SEMA3E: variants seen among roughly 807,000 people sequenced by gnomAD.
SEMA3E encodes the protein semaphorin 3E.
Under a neutral mutation model 93.6 loss-of-function variants are expected in SEMA3E, and 49 were observed. The ratio of observed to expected loss-of-function variants is 0.52; its 90% confidence interval spans 0.42 to 0.66. SEMA3E has a LOEUF of 0.66. Among genes scored for constraint, SEMA3E ranks in the 30% least tolerant of loss-of-function variants. The pLI is 0.00. For synonymous variants in SEMA3E, 363 were observed against 330.7 expected (o/e 1.10, Z -1.06); for missense variants, 906 against 964.8 (o/e 0.94, Z 0.81).
chr7:83,482,216 C>T (rs1052860013), intron 2 of SEMA3E, among the ~76,000 whole-genome samples: 1 of 152,036 alleles, frequency 6.6e-6, no homozygotes, highest in Non-Finnish European at 1.5e-5. Context: ...ACAAAATTAA[C>T]CTAAACGAAA....
chr7:83,510,353 A>G (rs1414312783), intron 1 of SEMA3E, among the ~76,000 whole-genome samples: 3 of 152,310 alleles, frequency 2.0e-5, no homozygotes, highest in Admixed American at 6.5e-5. Flanking sequence ...TTTGGTCTAT[A>G]TCTTTTCACA....
intron 1 of SEMA3E, among the ~76,000 whole-genome samples, chr7:83,547,884 C>G (rs1416956548): frequency 6.6e-6 from 1 of 152,074 alleles, no homozygotes; most frequent in South Asian, 2.1e-4. Context: ...CACTCTGAGG[C>G]TAGAGTAATC....
At chr7:83,463,977 A>G (rs1281025598) in intron 4 of SEMA3E, among the ~76,000 whole-genome samples, 3 of 152,150 alleles carry the variant, frequency 2.0e-5, no homozygotes, top group Admixed American at 2.0e-4. Context: ...CCTTTTCTAC[A>G]GGGTCTGAGA....
At chr7:83,443,932 T>TATA (rs1036108961) in intron 4 of SEMA3E, among the ~76,000 whole-genome samples, 9 of 151,380 alleles carry the variant, frequency 5.9e-5, no homozygotes, top group African/African-American at 7.2e-5. Flanking sequence ...TATATATATA[T>TATA]ATATATATGT....
At position 83,389,471 on chromosome 7, in the gene SEMA3E, G is replaced by A. The variant is rs551107078; in HGVS notation, c.1668-2421C>T. Among the ~76,000 whole-genome samples, 201 of 150,934 alleles carry A rather than the reference G, an allele frequency of 1.3e-3. 3 individuals are homozygous for A. Among genetic ancestry groups the A allele is most frequent in the African/African-American group, 4.3e-3 (179 of 41,406 alleles). The stretch of plus-strand genomic sequence containing the variant: ...GTCAAGAACTGAGTGCAAAAATATC[G>A]CTGAAAGTTATTGGAAACATACATT... On this transcript the variant is annotated intron_variant, in intron 14 of 16. Coordinates refer to ENST00000643230, the MANE Select transcript of SEMA3E (RefSeq NM_012431.3).
intron 14 of SEMA3E, 66 bp downstream of exon 14, chr7:83,392,489 A>G: frequency 9.3e-7 from 1 of 1,080,408 alleles, no homozygotes; most frequent in Admixed American, 2.6e-5. Context: ...AAGTTAAAAA[A>G]AAAAAAAAAA....
intron 6 of SEMA3E, among the ~76,000 whole-genome samples, chr7:83,407,510 C>G (rs1788353328): frequency 6.6e-6 from 1 of 152,052 alleles, no homozygotes; most frequent in African/African-American, 2.4e-5. Flanking sequence ...TTTCAAACAA[C>G]ATGCAATGCG....
intron 4 of SEMA3E, among the ~76,000 whole-genome samples, chr7:83,462,741 A>G (rs1168733653): frequency 6.9e-6 from 1 of 144,858 alleles, no homozygotes; most frequent in African/African-American, 2.6e-5. Context: ...AACTCTCCTT[A>G]CAATTCCCCC....
chr7:83,608,685 T>C (rs527534538), intron 1 of SEMA3E, among the ~76,000 whole-genome samples: 5 of 152,238 alleles, frequency 3.3e-5, no homozygotes, highest in East Asian at 3.9e-4. Flanking sequence ...TAATTTGAAT[T>C]CCATAAATAT....
At chr7:83,372,522 T>C in intron 16 of SEMA3E, 1 of 355,896 alleles carries the variant, frequency 2.8e-6, no homozygotes, top group East Asian at 4.0e-5. Context: ...TGCTTGTTTT[T>C]TCAAGTTTGG....
chr7:83,472,711 G>A (rs1366664248), intron 2 of SEMA3E, among the ~76,000 whole-genome samples: 1 of 152,194 alleles, frequency 6.6e-6, no homozygotes, highest in Non-Finnish European at 1.5e-5. Flanking sequence ...ATTGAAGCCA[G>A]ATGATATGGT....
intron 1 of SEMA3E, among the ~76,000 whole-genome samples, chr7:83,568,562 G>A (rs1562836185): frequency 6.6e-6 from 1 of 152,224 alleles, no homozygotes; most frequent in East Asian, 1.9e-4. Flanking sequence ...ATGCAAGGAT[G>A]GATTAACATA....
chr7:83,408,218 A>AT (rs1718134031), intron 6 of SEMA3E, 150 bp downstream of exon 6: 1 of 855,478 alleles, frequency 1.2e-6, no homozygotes, highest in African/African-American at 1.7e-5. Flanking sequence ...TATATACAAT[A>AT]TTTTAATTCA....
chr7:83,374,088 C>T (rs1166330103), intron 16 of SEMA3E, among the ~76,000 whole-genome samples: 1 of 151,552 alleles, frequency 6.6e-6, no homozygotes, highest in Admixed American at 6.6e-5. Flanking sequence ...TGGGTGTAAA[C>T]CCAGCTACTC....
At chr7:83,648,048 C>A (rs1794102253) in intron 1 of SEMA3E, among the ~76,000 whole-genome samples, 3 of 152,170 alleles carry the variant, frequency 2.0e-5, no homozygotes. Context: ...CCTTGTTTCT[C>A]ATATGCATAA....
chr7:83,387,813 AAT>A, intron 14 of SEMA3E, among the ~76,000 whole-genome samples: 2 of 138,160 alleles, frequency 1.4e-5, no homozygotes, highest in Middle Eastern at 7.2e-3. Context: ...AAAATTCCAG[AAT>A]ATATATGTTT....
intron 1 of SEMA3E, among the ~76,000 whole-genome samples, chr7:83,592,389 C>T (rs1440341324): frequency 6.6e-6 from 1 of 151,976 alleles, no homozygotes; most frequent in African/African-American, 2.4e-5. Flanking sequence ...GTTTAAAGTA[C>T]TGTTGAGTCT....
At chr7:83,535,413 A>G (rs1399877779) in intron 1 of SEMA3E, among the ~76,000 whole-genome samples, 1 of 151,946 alleles carries the variant, frequency 6.6e-6, no homozygotes, top group Non-Finnish European at 1.5e-5. Context: ...CTTTTTTTTC[A>G]AGCAGGTAAT....
At chr7:83,447,800 A>C (rs530792523) in intron 4 of SEMA3E, among the ~76,000 whole-genome samples, 2 of 152,330 alleles carry the variant, frequency 1.3e-5, no homozygotes, top group South Asian at 4.1e-4. Context: ...GCCGTGCCAA[A>C]TGATATTTTT....
Sources: gnomAD v4.1 joint callset for allele counts (sites outside exome capture counted in the v4.1 genomes callset) on GRCh38, gnomAD v4.1.1 for gene constraint, MANE v1.5 for transcripts, NCBI Gene and HGNC (gene_info 2026-07-23, HGNC 2026-07-21) for gene names.